KCNJ6: variants seen among roughly 807,000 people sequenced by gnomAD.
The protein encoded by KCNJ6 is G protein-activated inward rectifier potassium channel 2.
In KCNJ6, 9 loss-of-function variants were observed where a neutral mutation model predicts 34.2. The observed-to-expected ratio is 0.26, with a 90% CI of 0.16 to 0.46. The LOEUF (loss-of-function observed/expected upper bound fraction) is 0.46. KCNJ6 is among the 20% of genes least tolerant of loss of function. The probability of loss-of-function intolerance (pLI) is 1.00; values close to 1 mark genes in which losing one functional copy is unlikely to be tolerated. For synonymous variants in KCNJ6, 196 were observed against 207.1 expected (o/e 0.95, Z 0.46); for missense variants, 236 against 531.3 (o/e 0.44, Z 5.46).
chr21:37,822,552 C>T (rs370158780), intron 2 of KCNJ6, among the ~76,000 whole-genome samples: 19 of 152,276 alleles, frequency 1.2e-4, no homozygotes, highest in East Asian at 5.8e-4. Context: ...TCAAAAGAAA[C>T]GCCTTCTGTG....
At chr21:37,778,024 A>G (rs2055150384) in intron 2 of KCNJ6, among the ~76,000 whole-genome samples, 1 of 152,170 alleles carries the variant, frequency 6.6e-6, no homozygotes, top group East Asian at 1.9e-4. Context: ...GATGTTCTCA[A>G]CCCATCAAGC....
intron 2 of KCNJ6, among the ~76,000 whole-genome samples, chr21:37,831,063 T>C (rs3787842): frequency 0.26 from 39,945 of 152,058 alleles, 7,055 homozygotes; most frequent in East Asian, 0.49. Context: ...GAAGCCCCCC[T>C]TGCATGGAGA....
chr21:37,673,720 G>A lies in KCNJ6; in HGVS notation c.946+40491C>T, dbSNP rs553596099. ...GTGTGTTCAGAGTTAGAGGGGGACA[G>A]GGAAGGGAGGGATTCTCTAGGCAGG... On this transcript the variant is annotated intron_variant, in intron 3 of 3. Transcript: ENST00000609713. Among the ~76,000 whole-genome samples the A allele has an allele frequency of 2.0e-3, 304 of 152,340 alleles. 1 individual carries two copies. Among genetic ancestry groups the A allele is most frequent in the Non-Finnish European group, 3.5e-3 (239 of 68,034 alleles).
chr21:37,642,319 G>A (rs1164652104), intron 3 of KCNJ6, among the ~76,000 whole-genome samples: 1 of 152,154 alleles, frequency 6.6e-6, no homozygotes, highest in Non-Finnish European at 1.5e-5. Context: ...GGATGAGCCT[G>A]TCCAGGATGT....
chr21:37,819,856 T>C (rs190474662), intron 2 of KCNJ6, among the ~76,000 whole-genome samples: 11 of 151,688 alleles, frequency 7.3e-5, no homozygotes, highest in African/African-American at 2.2e-4. Flanking sequence ...CAATTTTGGG[T>C]CATTGCAACC....
At position 37,675,330 on chromosome 21, in the gene KCNJ6, A is replaced by T. The variant is rs1169922029; in HGVS notation, c.946+38881T>A. Among the ~76,000 whole-genome samples, 1 of 152,134 alleles carries T rather than the reference A, an allele frequency of 6.6e-6. No homozygotes were observed. The highest frequency in any genetic ancestry group is 1.9e-4 in the East Asian group (1 of 5,186). Reference sequence around the variant, plus strand: ...AGAGGAAGGAATCAAGTTGGCGGGGATTTTTCCGCGAGTGGCTGCATTGGC... The same window carrying T: ...AGAGGAAGGAATCAAGTTGGCGGGGTTTTTTCCGCGAGTGGCTGCATTGGC... On this transcript the variant is annotated intron_variant, in intron 3 of 3. Coordinates refer to ENST00000609713, the MANE Select transcript of KCNJ6 (RefSeq NM_002240.5). This position sits in a 1 kb window ranked among gnomAD's most constrained non-coding sequence, Gnocchi z 4.2.
intron 2 of KCNJ6, among the ~76,000 whole-genome samples, chr21:37,749,962 G>A (rs2054986834): frequency 6.6e-6 from 1 of 152,136 alleles, no homozygotes; most frequent in Admixed American, 6.5e-5. Flanking sequence ...AACATCTAAT[G>A]AGAGGTCAGA....
At chr21:37,654,870 A>G (rs905068180) in intron 3 of KCNJ6, among the ~76,000 whole-genome samples, 20 of 152,142 alleles carry the variant, frequency 1.3e-4, no homozygotes, top group African/African-American at 4.8e-4. Flanking sequence ...TGAGGAGTGC[A>G]TGACCAGCCT....
chr21:37,714,377 G>T lies in KCNJ6; in HGVS notation c.780C>A (p.Ile260=), dbSNP rs758204818. The part of the protein sequence containing the change: ...GEFIPLNQTD[I]NVGYYTGDDR... The stretch of plus-strand genomic sequence containing the variant: ...CATCCCCCGTGTAATACCCTACGTT[G>T]ATATCCGTCTGGTTCAACGGGATGA... Residue 260 remains isoleucine, a synonymous_variant, in exon 3 of 4, where the codon ATC becomes ATA. Transcript: ENST00000609713. The surrounding 1 kb of genome is among the most constrained non-coding windows in gnomAD (Gnocchi z 5.9). 6.2e-7 allele frequency: 1 copy of T among 1,614,142 alleles called. No homozygotes were observed. The highest frequency in any genetic ancestry group is 2.2e-5 in the East Asian group (1 of 44,878).
intron 2 of KCNJ6, among the ~76,000 whole-genome samples, chr21:37,718,218 A>G (rs2054804504): frequency 6.6e-6 from 1 of 152,184 alleles, no homozygotes; most frequent in African/African-American, 2.4e-5. Context: ...GGGACAATGA[A>G]GTCAAGAGGT....
intron 2 of KCNJ6, among the ~76,000 whole-genome samples, chr21:37,747,503 T>A (rs767954839): frequency 8.5e-5 from 13 of 152,230 alleles, no homozygotes; most frequent in Admixed American, 3.3e-4. Flanking sequence ...TGTTCCACTA[T>A]ACAAAGAAAA....
chr21:37,761,850 G>A (rs1003055688), intron 2 of KCNJ6, among the ~76,000 whole-genome samples: 1 of 151,986 alleles, frequency 6.6e-6, no homozygotes, highest in African/African-American at 2.4e-5. Context: ...GTCTGTGTGC[G>A]GTGCATGTTC....
At chr21:37,881,849 C>A (rs2055710116) in intron 1 of KCNJ6, among the ~76,000 whole-genome samples, 1 of 152,162 alleles carries the variant, frequency 6.6e-6, no homozygotes. Context: ...CAGTCTACAG[C>A]AGTCTGTAGA....
At chr21:37,915,066 G>A (rs1205951138) in intron 1 of KCNJ6, among the ~76,000 whole-genome samples, 1 of 151,992 alleles carries the variant, frequency 6.6e-6, no homozygotes, top group Admixed American at 6.6e-5. Flanking sequence ...ATTGCACCTA[G>A]TACAACAGAT....
chr21:37,643,526 G>T (rs540566210), intron 3 of KCNJ6, among the ~76,000 whole-genome samples: 136 of 152,358 alleles, frequency 8.9e-4, no homozygotes, highest in African/African-American at 2.7e-3. Flanking sequence ...TGGGCAAGGG[G>T]TGGGTAGCTG....
chr21:37,705,109 G>A (rs1238758302), intron 3 of KCNJ6, among the ~76,000 whole-genome samples: 2 of 152,222 alleles, frequency 1.3e-5, no homozygotes, highest in Non-Finnish European at 2.9e-5. Context: ...GCCCAGTGGA[G>A]AAGCCATGGC....
chr21:37,630,158 G>GTGTGTGT (rs1556010880), intron 3 of KCNJ6, among the ~76,000 whole-genome samples: 4 of 145,724 alleles, frequency 2.7e-5, no homozygotes, highest in Non-Finnish European at 3.0e-5. Flanking sequence ...GTGTGTGTGT[G>GTGTGTGT]GTGTTTATGT....
chr21:37,661,614 G>GTTTTTCTTTTTTTTTTTTTT (rs2054488688), intron 3 of KCNJ6, among the ~76,000 whole-genome samples: 1 of 71,172 alleles, frequency 1.4e-5, no homozygotes, highest in Non-Finnish European at 2.6e-5. Context: ...AAGAGACATA[G>GTTTTTCTTTTTTTTTTTTTT]TTTTTTTTTT....
At chr21:37,861,879 T>C (rs1248011300) in intron 1 of KCNJ6, among the ~76,000 whole-genome samples, 1 of 152,186 alleles carries the variant, frequency 6.6e-6, no homozygotes, top group Non-Finnish European at 1.5e-5. Flanking sequence ...GAGGTGTTGA[T>C]GCTGGGCCCC....
Sources: gnomAD v4.1 joint callset for allele counts (sites outside exome capture counted in the v4.1 genomes callset) on GRCh38, gnomAD v4.1.1 for gene constraint, Gnocchi (gnomAD v3.1) non-coding constraint, MANE v1.5 for transcripts, NCBI Gene and HGNC (gene_info 2026-07-23, HGNC 2026-07-21) for gene names.